DLG2: variants seen among roughly 807,000 people sequenced by gnomAD.
DLG2 encodes the protein discs large MAGUK scaffold protein 2.
DLG2 carries 45 observed loss-of-function variants against 132.5 expected under a neutral mutation model. The ratio of observed to expected loss-of-function variants is 0.34; its 90% confidence interval spans 0.27 to 0.44. The LOEUF is 0.44. DLG2 is among the 20% of genes least tolerant of loss of function. DLG2 has a pLI of 1.00. For missense variants in DLG2, 1,045 were observed against 1,196.9 expected (o/e 0.87, Z 1.87); for synonymous variants, 424 against 419.6 (o/e 1.01, Z -0.13).
intron 4 of DLG2, among the ~76,000 whole-genome samples, chr11:85,226,391 C>T (rs1035609831): frequency 2.6e-5 from 4 of 151,870 alleles, no homozygotes; most frequent in African/African-American, 4.8e-5. Flanking sequence ...TGAAAAATTT[C>T]GTTATTCACC....
At chr11:84,699,890 C>T (rs966221490) in intron 6 of DLG2, among the ~76,000 whole-genome samples, 32 of 151,564 alleles carry the variant, frequency 2.1e-4, no homozygotes, top group Non-Finnish European at 1.2e-4. Context: ...AGTGCATGAC[C>T]TGAGTCTCAA....
chr11:85,289,775 T>C (rs965739998), intron 3 of DLG2, among the ~76,000 whole-genome samples: 2 of 152,150 alleles, frequency 1.3e-5, no homozygotes, highest in African/African-American at 4.8e-5. Flanking sequence ...GGGAGCTAGA[T>C]AAATGCTCAT....
At chr11:83,920,991 A>G (rs1205875656) in intron 15 of DLG2, among the ~76,000 whole-genome samples, 4 of 152,188 alleles carry the variant, frequency 2.6e-5, no homozygotes, top group African/African-American at 9.6e-5. Context: ...AAGAATTACT[A>G]CTATAATATT....
chr11:85,623,767 A>G (rs1056945414), intron 2 of DLG2, among the ~76,000 whole-genome samples: 1 of 152,230 alleles, frequency 6.6e-6, no homozygotes, highest in African/African-American at 2.4e-5. Context: ...TTATCTTTAA[A>G]ACAGCAACTT....
At chr11:84,970,686 A>G (rs967330625) in intron 6 of DLG2, among the ~76,000 whole-genome samples, 2 of 152,208 alleles carry the variant, frequency 1.3e-5, no homozygotes, top group Non-Finnish European at 2.9e-5. Context: ...GGACACAAGC[A>G]TTCAGATCAT....
At chr11:84,893,707 A>T (rs956648390) in intron 6 of DLG2, among the ~76,000 whole-genome samples, 1 of 152,162 alleles carries the variant, frequency 6.6e-6, no homozygotes, top group Non-Finnish European at 1.5e-5. Context: ...TTGGTATATG[A>T]CTTCCATTTG....
intron 6 of DLG2, among the ~76,000 whole-genome samples, chr11:84,946,825 C>G (rs539163795): frequency 2.0e-5 from 3 of 152,294 alleles, no homozygotes; most frequent in African/African-American, 7.2e-5. Context: ...GACTGCCTTT[C>G]AAATTTATTT....
chr11:83,770,998 T>A (rs2094369725), intron 18 of DLG2, among the ~76,000 whole-genome samples: 1 of 152,224 alleles, frequency 6.6e-6, no homozygotes, highest in African/African-American at 2.4e-5. Flanking sequence ...AATAGAACTA[T>A]CCAAGTTGAA....
intron 3 of DLG2, among the ~76,000 whole-genome samples, chr11:85,403,724 G>A (rs1464233005): frequency 2.6e-5 from 4 of 151,868 alleles, no homozygotes; most frequent in Non-Finnish European, 4.4e-5. Context: ...CAGGATGATG[G>A]CATGAGCCTC....
intron 3 of DLG2, among the ~76,000 whole-genome samples, chr11:85,527,465 T>A (rs1277828688): frequency 6.6e-6 from 1 of 152,070 alleles, no homozygotes; most frequent in Non-Finnish European, 1.5e-5. Context: ...TCTGTTCCTG[T>A]GTTAGTTTGC....
chr11:84,750,528 T>A (rs544392030), intron 6 of DLG2, among the ~76,000 whole-genome samples: 1 of 152,038 alleles, frequency 6.6e-6, no homozygotes, highest in African/African-American at 2.4e-5. Flanking sequence ...TTTAAAAAAA[T>A]AAATATCATA....
At chr11:84,806,055 C>T (rs1262314735) in intron 6 of DLG2, among the ~76,000 whole-genome samples, 2 of 152,148 alleles carry the variant, frequency 1.3e-5, no homozygotes, top group African/African-American at 4.8e-5. Context: ...CCATACAAAA[C>T]TCCATGGATG....
At chr11:84,604,431 G>T (rs974742664) in intron 6 of DLG2, among the ~76,000 whole-genome samples, 1 of 151,796 alleles carries the variant, frequency 6.6e-6, no homozygotes, top group Admixed American at 6.6e-5. Context: ...ATTAAATTAT[G>T]TAGGGCTTTA....
chr11:85,292,880 A>C (rs2079001070), intron 3 of DLG2, among the ~76,000 whole-genome samples: 1 of 152,018 alleles, frequency 6.6e-6, no homozygotes, highest in Non-Finnish European at 1.5e-5. Context: ...TCACAGGATG[A>C]GAACAAGGAA....
intron 7 of DLG2, among the ~76,000 whole-genome samples, chr11:84,501,904 G>A (rs1204394120): frequency 1.3e-5 from 2 of 151,904 alleles, no homozygotes; most frequent in Non-Finnish European, 2.9e-5. Flanking sequence ...ATATACTGAT[G>A]CCCAGAAGAC....
chr11:85,527,097 A>T (rs2074817294), intron 3 of DLG2, among the ~76,000 whole-genome samples: 2 of 152,160 alleles, frequency 1.3e-5, no homozygotes, highest in Non-Finnish European at 2.9e-5. Context: ...AAGATGTTCA[A>T]ATTAACAACA....
intron 2 of DLG2, among the ~76,000 whole-genome samples, chr11:85,618,740 G>A (rs1480171782): frequency 6.6e-6 from 1 of 152,158 alleles, no homozygotes; most frequent in African/African-American, 2.4e-5. Context: ...TGTACTCACT[G>A]AATCTAAGAA....
intron 6 of DLG2, among the ~76,000 whole-genome samples, chr11:84,694,629 G>C (rs1053068687): frequency 5.9e-5 from 9 of 151,450 alleles, no homozygotes; most frequent in Admixed American, 2.0e-4. Context: ...TGTTTTATCA[G>C]AGAATAAGCC....
chr11:84,788,644 T>C (rs939078602), intron 6 of DLG2, among the ~76,000 whole-genome samples: 2 of 152,142 alleles, frequency 1.3e-5, no homozygotes, highest in Non-Finnish European at 2.9e-5. Flanking sequence ...TAGGTGTATG[T>C]CATATACTAA....
Sources: allele counts gnomAD v4.1 joint callset (sites outside exome capture counted in the v4.1 genomes callset), GRCh38; gene constraint gnomAD v4.1.1; transcripts MANE v1.5; gene names NCBI Gene and HGNC (gene_info 2026-07-23, HGNC 2026-07-21).